The following HCFC2 variants were observed in gnomAD, a reference collection of about 807,000 sequenced individuals.
HCFC2 encodes host cell factor 2.
In HCFC2, 18 loss-of-function variants were observed where a neutral mutation model predicts 89.2. The observed-to-expected ratio is 0.20, with a 90% CI of 0.14 to 0.30. The LOEUF (loss-of-function observed/expected upper bound fraction) is 0.30, where lower values mean the gene tolerates loss of function less well. HCFC2 is among the 10% of genes least tolerant of loss of function. The pLI is 1.00. For missense variants in HCFC2, 578 were observed against 956.1 expected (o/e 0.60, Z 5.21); for synonymous variants, 308 against 335.7 (o/e 0.92, Z 0.90).
chr12:104,073,406 G>T (rs553691198), intron 3 of HCFC2, among the ~76,000 whole-genome samples: 2 of 151,258 alleles, frequency 1.3e-5, no homozygotes, highest in African/African-American at 2.4e-5. Flanking sequence ...CTCATGATCC[G>T]CCCGCCTCAG....
intron 13 of HCFC2, among the ~76,000 whole-genome samples, chr12:104,100,653 A>T (rs1295744847): frequency 1.3e-5 from 2 of 152,134 alleles, no homozygotes; most frequent in Non-Finnish European, 2.9e-5. Context: ...TCTCCCGAAG[A>T]TATGCACAAA....
chr12:104,071,968 TC>T (rs1883336673), intron 3 of HCFC2, among the ~76,000 whole-genome samples: 1 of 152,260 alleles, frequency 6.6e-6, no homozygotes, highest in South Asian at 2.1e-4. Context: ...TGGTGAAATT[TC>T]TATTCAAATA....
intron 5 of HCFC2, among the ~76,000 whole-genome samples, chr12:104,082,092 A>G (rs1216635596): frequency 6.6e-6 from 1 of 152,208 alleles, no homozygotes. Flanking sequence ...AGTGATATCA[A>G]TGACCAAAGT....
chr12:104,073,071 G>A (rs1205274727), intron 3 of HCFC2, among the ~76,000 whole-genome samples: 5 of 151,506 alleles, frequency 3.3e-5, no homozygotes, highest in Non-Finnish European at 7.4e-5. Context: ...ATATTTAAAT[G>A]GATTTCAATT....
chr12:104,093,692 T>A, intron 10 of HCFC2, 129 bp downstream of exon 10: 1 of 699,148 alleles, frequency 1.4e-6, no homozygotes, highest in Non-Finnish European at 2.3e-6. Context: ...ATATTCAACC[T>A]GGTTAGAATA....
Position 104,106,106 on chromosome 12 carries a change from T to TA in HCFC2, c.*2839dup, listed in dbSNP as rs900138103. On this transcript the variant is annotated 3_prime_UTR_variant, in exon 15 of 15. Coordinates refer to ENST00000229330, the MANE Select transcript of HCFC2 (RefSeq NM_013320.3). The stretch of plus-strand genomic sequence containing the variant: ...TAAACTCAATTTTATCTGCATTTTT[T>TA]AAAAAATTGAAATAATCTGATTGCA... 5 of 152,100 alleles carry TA rather than the reference T, an allele frequency of 3.3e-5. No individual in the cohort carries two copies. The highest frequency in any genetic ancestry group is 2.0e-4 in the Admixed American group (3 of 15,274). 9.4% of individuals were successfully genotyped at this position (152,100 alleles called of 1,614,324 possible).
rs981938872 is a variant in HCFC2 at position 104,104,679 on chromosome 12, A to G, written c.*1406A>G. The G allele has an allele frequency of 6.6e-6, 1 of 152,006 alleles. No individual in the cohort carries two copies. The highest frequency in any genetic ancestry group is 6.6e-5 in the Admixed American group (1 of 15,260). 9.4% of individuals were successfully genotyped at this position (152,006 alleles called of 1,614,324 possible). A position where few individuals can be genotyped will look rare whatever the true frequency, so the allele number is the denominator to read the frequency against. ...TGTTCCAGTTACTAATTTAAAGTGTATAGAATATTTTAATATATAATTTTT... is the reference window on the plus strand; with the variant it reads ...TGTTCCAGTTACTAATTTAAAGTGTGTAGAATATTTTAATATATAATTTTT... On this transcript the variant is annotated 3_prime_UTR_variant, in exon 15 of 15. Coordinates refer to ENST00000229330, the MANE Select transcript of HCFC2 (RefSeq NM_013320.3).
chr12:104,077,283 C>G (rs1227949394), intron 3 of HCFC2, among the ~76,000 whole-genome samples: 1 of 151,444 alleles, frequency 6.6e-6, no homozygotes, highest in Non-Finnish European at 1.5e-5. Context: ...CGTTGTGTCA[C>G]CCAGGCTGGA....
chr12:104,064,835 T>A lies in HCFC2; in HGVS notation c.163+112T>A. The A allele has an allele frequency of 3.9e-6, 4 of 1,015,110 alleles. No individual in the cohort carries two copies. Among genetic ancestry groups the A allele is most frequent in the Non-Finnish European group, 5.3e-6 (4 of 752,304 alleles). 62.9% of individuals were successfully genotyped at this position (1,015,110 alleles called of 1,614,324 possible). The stretch of plus-strand genomic sequence containing the variant: ...TGTCACCGCCCGGTCACTGCTTCCT[T>A]GGGCGGGCGGCGGGGAGCGCGGCTC... On this transcript the variant is annotated intron_variant, in intron 1 of 14. Transcript: ENST00000229330. This position sits in a 1 kb window ranked among gnomAD's most constrained non-coding sequence, Gnocchi z 7.3.
At position 104,103,250 on chromosome 12, in the gene HCFC2, A is replaced by G; in HGVS notation, c.2356A>G (p.Asn786Asp). 6.2e-7 allele frequency: 1 copy of G among 1,611,704 alleles called. No homozygotes were observed. The highest frequency in any genetic ancestry group is 8.5e-7 in the Non-Finnish European group (1 of 1,178,102). ...ACAAGTTCGGTGGCTTCAAGGTAACAATAAGAAAGCACCTTTAAATTGAAT... is the reference window on the plus strand; with the variant it reads ...ACAAGTTCGGTGGCTTCAAGGTAACGATAAGAAAGCACCTTTAAATTGAAT... ...ATQVRWLQGN[N>D]KKAPLN is the part of the protein sequence containing the mutation. Residue 786 changes from asparagine (N) to aspartate (D), a missense_variant, in exon 15 of 15, where the codon AAT becomes GAT. By Grantham distance (23) the Asn-to-Asp change is conservative. Around this residue, in one of 4 missense-constraint regions of HCFC2, gnomAD observed 140 missense variants for 266.4 expected, o/e 0.53. Coordinates refer to ENST00000229330, the MANE Select transcript of HCFC2 (RefSeq NM_013320.3).
intron 3 of HCFC2, among the ~76,000 whole-genome samples, chr12:104,075,195 T>TAAA (rs57363649): frequency 1.4e-5 from 2 of 148,124 alleles, no homozygotes; most frequent in African/African-American, 2.5e-5. Context: ...TCTGTGAAAA[T>TAAA]AAAAAAAAAA....
At chr12:104,084,210 G>A (rs558473900) in intron 7 of HCFC2, among the ~76,000 whole-genome samples, 4 of 152,300 alleles carry the variant, frequency 2.6e-5, no homozygotes, top group East Asian at 1.9e-4. Flanking sequence ...GAGGGGGTAC[G>A]ACAGCAAGGA....
At chr12:104,072,939 C>T (rs555033088) in intron 3 of HCFC2, among the ~76,000 whole-genome samples, 40 of 151,864 alleles carry the variant, frequency 2.6e-4, no homozygotes, top group Non-Finnish European at 2.9e-4. Flanking sequence ...CCACCGCACC[C>T]GGCCGATTTG....
intron 9 of HCFC2, among the ~76,000 whole-genome samples, chr12:104,088,807 T>C (rs1253265686): frequency 6.6e-6 from 1 of 152,198 alleles, no homozygotes; most frequent in Admixed American, 6.5e-5. Context: ...ATTTCTATTA[T>C]ATATATTCCT....
intron 3 of HCFC2, among the ~76,000 whole-genome samples, chr12:104,070,310 G>C (rs748599817): frequency 7.2e-5 from 11 of 152,184 alleles, no homozygotes; most frequent in Non-Finnish European, 1.5e-4. Flanking sequence ...TTACAGGCGT[G>C]AGCCACTGCG....
chr12:104,104,551 C>T lies in HCFC2; in HGVS notation c.*1278C>T, dbSNP rs1398465526. On this transcript the variant is annotated 3_prime_UTR_variant, in exon 15 of 15. Coordinates refer to ENST00000229330, the MANE Select transcript of HCFC2 (RefSeq NM_013320.3). Reference sequence around the variant, plus strand: ...GTCTATCTTTTTTTATACCACATAACCTTATGCCAGTTTAGGTTGACTGAG... The same window carrying T: ...GTCTATCTTTTTTTATACCACATAATCTTATGCCAGTTTAGGTTGACTGAG... 2.0e-5 allele frequency: 3 copies of T among 151,942 alleles called. No homozygotes were observed. The highest frequency in any genetic ancestry group is 4.4e-5 in the Non-Finnish European group (3 of 67,868). The allele number at this position is 151,942 out of a possible 1,614,324, so 9.4% of individuals were successfully genotyped here.
At chr12:104,075,755 C>T (rs943874251) in intron 3 of HCFC2, among the ~76,000 whole-genome samples, 8 of 152,304 alleles carry the variant, frequency 5.3e-5, no homozygotes, top group African/African-American at 1.9e-4. Context: ...CCATCATGCC[C>T]AGCATCTTTT....
intron 7 of HCFC2, among the ~76,000 whole-genome samples, chr12:104,083,127 A>C (rs1191356545): frequency 1.3e-5 from 2 of 152,188 alleles, no homozygotes; most frequent in African/African-American, 4.8e-5. Flanking sequence ...AAAGTATGGA[A>C]AGGGAAAATA....
At chr12:104,100,815 T>C (rs1305014482) in intron 13 of HCFC2, among the ~76,000 whole-genome samples, 1 of 152,174 alleles carries the variant, frequency 6.6e-6, no homozygotes, top group Admixed American at 6.5e-5. Context: ...TTTCTCACTG[T>C]AGTTTGATTT....
Sources: allele counts gnomAD v4.1 joint callset (sites outside exome capture counted in the v4.1 genomes callset), GRCh38; gene constraint gnomAD v4.1.1; regional missense constraint gnomAD v4.1.1; non-coding constraint Gnocchi (gnomAD v3.1); transcripts MANE v1.5; gene names NCBI Gene and HGNC (gene_info 2026-07-23, HGNC 2026-07-21).